The following SEPTIN9 variants were observed in gnomAD, a reference collection of about 807,000 sequenced individuals.
SEPTIN9 encodes the protein septin 9.
In SEPTIN9, 13 loss-of-function variants were observed where a neutral mutation model predicts 56.6. That is an observed-to-expected ratio of 0.23 (90% CI 0.15 to 0.37). The LOEUF (loss-of-function observed/expected upper bound fraction) is 0.37. Among genes scored for constraint, SEPTIN9 ranks in the 10% least tolerant of loss-of-function variants. SEPTIN9 has a pLI of 1.00. For missense variants in SEPTIN9, 650 were observed against 823.1 expected (o/e 0.79, Z 2.57); for synonymous variants, 332 against 334.1 (o/e 0.99, Z 0.07).
At chr17:77,460,484 C>T (rs1241475346) in intron 3 of SEPTIN9, among the ~76,000 whole-genome samples, 1 of 152,208 alleles carries the variant, frequency 6.6e-6, no homozygotes, top group Admixed American at 6.5e-5. Flanking sequence ...CTATGTCACC[C>T]AGCACAGTGG....
chr17:77,294,824 C>T (rs1031245518), intron 1 of SEPTIN9: 1 of 152,208 alleles, frequency 6.6e-6, no homozygotes, highest in Non-Finnish European at 1.5e-5. Context: ...CCACTGCGCA[C>T]GTTTTTCCGG....
chr17:77,373,487 C>CA, intron 2 of SEPTIN9: 1 of 1,533,584 alleles, frequency 6.5e-7, no homozygotes, highest in Non-Finnish European at 8.8e-7. Flanking sequence ...ACCCGCTGCC[C>CA]ACCAGCCATC....
intron 3 of SEPTIN9, among the ~76,000 whole-genome samples, chr17:77,459,052 CG>C (rs2038342112): frequency 6.6e-6 from 1 of 152,196 alleles, no homozygotes; most frequent in African/African-American, 2.4e-5. Flanking sequence ...AGGCAGTGAA[CG>C]GGGCCACGGT....
intron 2 of SEPTIN9, among the ~76,000 whole-genome samples, chr17:77,331,642 G>T (rs2033366046): frequency 6.6e-6 from 1 of 152,184 alleles, no homozygotes; most frequent in South Asian, 2.1e-4. Context: ...CATTTTCACT[G>T]AATTTGTGGG....
At chr17:77,337,916 G>A (rs1470425127) in intron 2 of SEPTIN9, among the ~76,000 whole-genome samples, 1 of 152,148 alleles carries the variant, frequency 6.6e-6, no homozygotes, top group Admixed American at 6.5e-5. Flanking sequence ...TTATGTTTAG[G>A]CCAGGCATGG....
intron 3 of SEPTIN9, among the ~76,000 whole-genome samples, chr17:77,427,871 T>A (rs1487682721): frequency 6.6e-6 from 1 of 152,178 alleles, no homozygotes; most frequent in African/African-American, 2.4e-5. Flanking sequence ...CTGCCCGACT[T>A]GCTATTTGGA....
rs1364516830 is a variant in SEPTIN9 at position 77,477,030 on chromosome 17, TC to T, written c.722-5112del. 1.6e-4 allele frequency among the ~76,000 whole-genome samples: 24 copies of T among 152,180 alleles called. 1 individual carries two copies. The highest frequency in any genetic ancestry group is 1.6e-3 in the Admixed American group (24 of 15,284). On this transcript the variant is annotated intron_variant, in intron 3 of 11. Transcript: ENST00000427177. ...TTGCTGCACCCATTGGACTCTTCAA[TC>T]CAGCTCCACTAGAAATGACTGCCTT...
intron 10 of SEPTIN9, among the ~76,000 whole-genome samples, chr17:77,495,507 A>G (rs983761543): frequency 2.0e-4 from 30 of 152,264 alleles, no homozygotes; most frequent in African/African-American, 7.0e-4. Context: ...GGTGTAATTG[A>G]TCACGCCATG....
intron 1 of SEPTIN9, among the ~76,000 whole-genome samples, chr17:77,292,365 C>T (rs769173723): frequency 1.4e-4 from 21 of 152,186 alleles, no homozygotes; most frequent in Admixed American, 3.9e-4. Context: ...TTGAGTGAAA[C>T]GCATCTACCC....
chr17:77,478,804 A>G (rs1005126847), intron 3 of SEPTIN9, among the ~76,000 whole-genome samples: 2 of 103,514 alleles, frequency 1.9e-5, no homozygotes, highest in Non-Finnish European at 3.3e-5. Context: ...AACTCTGTCT[A>G]AAAAAAAAAA....
chr17:77,325,155 C>CT (rs769912533), intron 2 of SEPTIN9, among the ~76,000 whole-genome samples: 3 of 152,180 alleles, frequency 2.0e-5, no homozygotes, highest in Non-Finnish European at 2.9e-5. Context: ...TGACGTTCCA[C>CT]TTTATCTATT....
Position 77,475,593 on chromosome 17 carries a change from T to C in SEPTIN9, c.722-6551T>C. ...AGGGGTGCTGGCCCCAGGGTCTGGATTCAGGGGAGCCTGCAGAGGGAGGGC... is the reference window on the plus strand; with the variant it reads ...AGGGGTGCTGGCCCCAGGGTCTGGACTCAGGGGAGCCTGCAGAGGGAGGGC... On this transcript the variant is annotated intron_variant, in intron 3 of 11. Transcript: ENST00000427177. The surrounding 1 kb of genome is among the most constrained non-coding windows in gnomAD (Gnocchi z 4.6). 1 of 1,613,554 alleles carries C rather than the reference T, an allele frequency of 6.2e-7. No homozygotes were observed. Among genetic ancestry groups the C allele is most frequent in the Middle Eastern group, 1.7e-4 (1 of 6,054 alleles).
At position 77,400,683 on chromosome 17, in the gene SEPTIN9, T is replaced by A. The variant is rs1224861432; in HGVS notation, c.77-1376T>A. On this transcript the variant is annotated intron_variant, in intron 2 of 11. Coordinates refer to ENST00000427177, the MANE Select transcript of SEPTIN9 (RefSeq NM_001113491.2). This position sits in a 1 kb window ranked among gnomAD's most constrained non-coding sequence, Gnocchi z 4.1. ...CTTTTCCTGTGGGCAGGGGAGGCAG[T>A]GGTGGGATCCCATGAGACCCGGACT... The A allele has an allele frequency of 1.3e-5, 2 of 152,234 alleles. No individual in the cohort carries two copies. The highest frequency in any genetic ancestry group is 2.4e-5 in the African/African-American group (1 of 41,350). The allele number at this position is 152,234 out of a possible 1,614,324, so 9.4% of individuals were successfully genotyped here.
chr17:77,451,148 C>T lies in SEPTIN9; in HGVS notation c.722-30996C>T, dbSNP rs551014738. On this transcript the variant is annotated intron_variant, in intron 3 of 11. Transcript: ENST00000427177. The surrounding 1 kb of genome is among the most constrained non-coding windows in gnomAD (Gnocchi z 4.2). ...GGCATGGCCAGAGGTCCCTGGGAGC[C>T]TCTTCCCCTCTCTTCTTCCTAGCAG... 2.4e-4 allele frequency: 38 copies of T among 156,882 alleles called. No individual in the cohort carries two copies. Among genetic ancestry groups the T allele is most frequent in the Non-Finnish European group, 3.7e-4 (27 of 72,336 alleles). The allele number at this position is 156,882 out of a possible 1,614,324, so 9.7% of individuals were successfully genotyped here. A position where few individuals can be genotyped will look rare whatever the true frequency, so the allele number is the denominator to read the frequency against.
chr17:77,390,425 TAA>T (rs570951109), intron 2 of SEPTIN9, among the ~76,000 whole-genome samples: 2,390 of 106,340 alleles, frequency 0.022, 95 homozygotes, highest in African/African-American at 0.084. Context: ...GTTTCAGAGG[TAA>T]AAAAAAAAAA....
Position 77,434,727 on chromosome 17 carries a change from C to G in SEPTIN9, c.721+32024C>G, listed in dbSNP as rs312905. Among the ~76,000 whole-genome samples, 10,716 of 152,244 alleles carry G rather than the reference C, an allele frequency of 0.07. 1,150 individuals carry two copies. The highest frequency in any genetic ancestry group is 0.23 in the African/African-American group (9,452 of 41,508). On this transcript the variant is annotated intron_variant, in intron 3 of 11. Coordinates refer to ENST00000427177, the MANE Select transcript of SEPTIN9 (RefSeq NM_001113491.2). This position sits in a 1 kb window ranked among gnomAD's most constrained non-coding sequence, Gnocchi z 5.0. ...TGAAGCAAAGGCCTGTTTGAAGGAGCGTGTGGAAGCCTGGGTGTGATGAAG... is the reference window on the plus strand; with the variant it reads ...TGAAGCAAAGGCCTGTTTGAAGGAGGGTGTGGAAGCCTGGGTGTGATGAAG...
At chr17:77,494,687 T>G (rs1184583149) in intron 10 of SEPTIN9, among the ~76,000 whole-genome samples, 1 of 151,870 alleles carries the variant, frequency 6.6e-6, no homozygotes. Flanking sequence ...GCACCCACCC[T>G]CCTTGCAGAG....
At chr17:77,349,091 T>TTTTTTA (rs1268344363) in intron 2 of SEPTIN9, among the ~76,000 whole-genome samples, 41 of 152,202 alleles carry the variant, frequency 2.7e-4, no homozygotes, top group African/African-American at 9.2e-4. Flanking sequence ...CATTCTTTCT[T>TTTTTTA]TTTTTATTTT....
chr17:77,365,546 G>A (rs1195821173), intron 2 of SEPTIN9, among the ~76,000 whole-genome samples: 1 of 152,204 alleles, frequency 6.6e-6, no homozygotes, highest in Non-Finnish European at 1.5e-5. Flanking sequence ...TTCAAGTGTA[G>A]GGTGGATGGG....
Sources: allele counts gnomAD v4.1 joint callset (sites outside exome capture counted in the v4.1 genomes callset), GRCh38; gene constraint gnomAD v4.1.1; non-coding constraint Gnocchi (gnomAD v3.1); transcripts MANE v1.5; gene names NCBI Gene and HGNC (gene_info 2026-07-23, HGNC 2026-07-21).